Variants in PLEKHA5 observed in about 807,000 individuals in gnomAD.
PLEKHA5 encodes the protein pleckstrin homology domain containing A5, also known as pleckstrin homology domain-containing family A member 5.
Under a neutral mutation model 181.9 loss-of-function variants are expected in PLEKHA5, and 55 were observed. The observed-to-expected ratio is 0.30, with a 90% CI of 0.24 to 0.38. PLEKHA5 has a LOEUF of 0.38. Ranked by LOEUF, PLEKHA5 falls within the 10% of genes least tolerant of loss-of-function variation. The probability of loss-of-function intolerance (pLI) is 1.00; values close to 1 mark genes in which losing one functional copy is unlikely to be tolerated. For synonymous variants in PLEKHA5, 535 were observed against 529.4 expected, an observed-to-expected ratio of 1.01 and a Z score of -0.15; for missense variants, 1,432 against 1,549.5, an observed-to-expected ratio of 0.92 and a Z score of 1.27.
chr12:19,139,359 C>A, intron 3 of PLEKHA5, among the ~76,000 whole-genome samples: 1 of 152,094 alleles, frequency 6.6e-6, no homozygotes, highest in East Asian at 1.9e-4. Flanking sequence ...TGGCTAAAAT[C>A]CGACTTTCAC....
chr12:19,231,282 T>C (rs76215407), intron 3 of PLEKHA5, among the ~76,000 whole-genome samples: 520 of 152,158 alleles, frequency 3.4e-3, no homozygotes, highest in African/African-American at 0.012. Context: ...AAGTGTAGAA[T>C]TGACTGTTAG....
Position 19,359,428 on chromosome 12 carries a change from A to T in PLEKHA5, c.3365A>T (p.Asp1122Val). Residue 1122 changes from aspartate (D) to valine (V), a missense_variant, in exon 28 of 32, where the codon GAT becomes GTT. Asp to Val is a radical substitution (Grantham distance 152). This residue lies in a region of PLEKHA5 where 1,143 missense variants were observed against 1,168.4 expected (regional missense o/e 0.98). Transcript: ENST00000429027. ...TTTGAGCAGACTCGAAGGAGGGATG[A>T]TAAGGAACTGGACACTGCCATTAGA... ...FRTTQTRRRDDKELDTAIREN... is the reference protein window; with the variant it reads ...FRTTQTRRRDVKELDTAIREN... 1.2e-6 allele frequency: 2 copies of T among 1,613,528 alleles called. No homozygotes were observed. Among genetic ancestry groups the T allele is most frequent in the Non-Finnish European group, 1.7e-6 (2 of 1,179,514 alleles).
intron 11 of PLEKHA5, among the ~76,000 whole-genome samples, chr12:19,278,089 A>C (rs2075091731): frequency 6.6e-6 from 1 of 152,234 alleles, no homozygotes; most frequent in Non-Finnish European, 1.5e-5. Context: ...AGTTTTGAAA[A>C]ACAGGTCTCA....
At chr12:19,316,020 A>C (rs1051118902) in intron 16 of PLEKHA5, among the ~76,000 whole-genome samples, 4 of 152,188 alleles carry the variant, frequency 2.6e-5, no homozygotes, top group African/African-American at 9.6e-5. Flanking sequence ...AGAAAATGGA[A>C]TCTTTCAATT....
At chr12:19,302,740 A>G (rs779765395) in intron 15 of PLEKHA5, among the ~76,000 whole-genome samples, 7 of 151,982 alleles carry the variant, frequency 4.6e-5, no homozygotes, top group Non-Finnish European at 1.0e-4. Context: ...TATGATAGCC[A>G]CTAGCAACAT....
At chr12:19,244,093 TA>T (rs2063178607) in intron 3 of PLEKHA5, among the ~76,000 whole-genome samples, 1 of 152,134 alleles carries the variant, frequency 6.6e-6, no homozygotes, top group Non-Finnish European at 1.5e-5. Flanking sequence ...ATTACTTGAC[TA>T]GCATAGGCTG....
rs562228888 is a variant in PLEKHA5, at chr12:19,306,075, G to A, written c.2038-8739G>A. ...AGCCCAGGCGACAATCCGATACTCC[G>A]TCTAAAAAAAAAACAAGTTATTCGT... On this transcript the variant is annotated intron_variant, in intron 15 of 31. Transcript: ENST00000429027. Among the ~76,000 whole-genome samples the A allele has an allele frequency of 4.6e-5, 7 of 151,314 alleles. No homozygotes were observed. The East Asian group carries it at 9.7e-4, about 21-fold the overall frequency.
At position 19,200,243 on chromosome 12, in the gene PLEKHA5, C is replaced by T. The variant is rs1037581681; in HGVS notation, c.228-53697C>T. ...CAGCAACAAAAGTATCACCCATCCC[C>T]CTTAAATATGTATAGATATTATGTA... On this transcript the variant is annotated intron_variant, in intron 3 of 31. Transcript: ENST00000429027. The T allele has an allele frequency of 4.1e-6, 4 of 963,860 alleles. No individual in the cohort carries two copies. In the Admixed American group the frequency reaches 6.6e-5, roughly 16 times the overall value. 59.7% of individuals were successfully genotyped at this position (963,860 alleles called of 1,614,324 possible).
At chr12:19,359,653 A>G (rs917756227) in intron 28 of PLEKHA5, 107 bp downstream of exon 28, 42 of 1,107,676 alleles carry the variant, frequency 3.8e-5, no homozygotes, top group African/African-American at 9.6e-5. Context: ...CACAGAGTCC[A>G]TAGAGCTAAA....
intron 3 of PLEKHA5, among the ~76,000 whole-genome samples, chr12:19,148,264 C>T (rs2039465475): frequency 6.6e-6 from 1 of 152,190 alleles, no homozygotes; most frequent in Non-Finnish European, 1.5e-5. Flanking sequence ...ACTATGTTGG[C>T]CAGGCTGGTC....
intron 15 of PLEKHA5, among the ~76,000 whole-genome samples, chr12:19,293,268 G>T (rs990256348): frequency 6.6e-6 from 1 of 152,016 alleles, no homozygotes; most frequent in Non-Finnish European, 1.5e-5. Context: ...CCCTTTGAAA[G>T]GTGTTAAATC....
chr12:19,346,928 A>T, intron 23 of PLEKHA5, 66 bp from the exon 24 acceptor site: 1 of 1,041,384 alleles, frequency 9.6e-7, no homozygotes, highest in Non-Finnish European at 1.3e-6. Flanking sequence ...ATACCATTGC[A>T]AAGAATTTAG....
intron 3 of PLEKHA5, among the ~76,000 whole-genome samples, chr12:19,184,474 C>T (rs1189096966): frequency 2.0e-5 from 3 of 152,040 alleles, no homozygotes; most frequent in African/African-American, 7.2e-5. Flanking sequence ...TTTATATTCT[C>T]GTGTAAGAGC....
rs548569938 is a variant in PLEKHA5, at chr12:19,160,277, A to G, written c.227+27827A>G. On this transcript the variant is annotated intron_variant, in intron 3 of 31. Coordinates refer to ENST00000429027, the MANE Select transcript of PLEKHA5 (RefSeq NM_001256470.2). The stretch of plus-strand genomic sequence containing the variant: ...CTGACAGTCATCTCATCCCATTCCT[A>G]TCATTTTCTTCATCATCATCATCAT... Among the ~76,000 whole-genome samples the G allele has an allele frequency of 1.2e-3, 177 of 152,134 alleles. 1 individual carries two copies. Among genetic ancestry groups the G allele is most frequent in the African/African-American group, 4.0e-3 (165 of 41,542 alleles).
At chr12:19,195,527 G>A (rs1378155890) in intron 3 of PLEKHA5, among the ~76,000 whole-genome samples, 1 of 151,612 alleles carries the variant, frequency 6.6e-6, no homozygotes, top group African/African-American at 2.4e-5. Context: ...AAATTTAGCC[G>A]GGCGTGCTGG....
intron 15 of PLEKHA5, among the ~76,000 whole-genome samples, chr12:19,301,160 A>G (rs1243716184): frequency 6.6e-6 from 1 of 152,094 alleles, no homozygotes; most frequent in Non-Finnish European, 1.5e-5. Flanking sequence ...CAAAAATAAA[A>G]TAAAATTCAA....
chr12:19,273,693 G>A (rs1425718228), intron 10 of PLEKHA5, among the ~76,000 whole-genome samples: 2 of 152,164 alleles, frequency 1.3e-5, no homozygotes, highest in Non-Finnish European at 2.9e-5. Flanking sequence ...TACAACTGTC[G>A]AGTGACCTAG....
chr12:19,197,157 G>A (rs1366975862), intron 3 of PLEKHA5, among the ~76,000 whole-genome samples: 1 of 152,038 alleles, frequency 6.6e-6, no homozygotes, highest in East Asian at 1.9e-4. Flanking sequence ...GTTCAGCATC[G>A]TTGAGCCTTA....
At chr12:19,200,500 A>G (rs904188458) in intron 3 of PLEKHA5, 99 of 1,365,268 alleles carry the variant, frequency 7.3e-5, no homozygotes, top group Admixed American at 2.4e-4. Flanking sequence ...CTCCATAACA[A>G]ATGTTCCAAA....
Sources: allele counts gnomAD v4.1 joint callset (sites outside exome capture counted in the v4.1 genomes callset), GRCh38; gene constraint gnomAD v4.1.1; regional missense constraint gnomAD v4.1.1; transcripts MANE v1.5; gene names NCBI Gene and HGNC (gene_info 2026-07-23, HGNC 2026-07-21).